Variants in HADHB observed in about 807,000 individuals in gnomAD.
The protein encoded by HADHB is hydroxyacyl-CoA dehydrogenase trifunctional multienzyme complex subunit beta.
A neutral mutation model predicts 61.9 loss-of-function variants in HADHB; 50 were observed. The ratio of observed to expected loss-of-function variants is 0.81; its 90% CI spans 0.64 to 1.02. The LOEUF (loss-of-function observed/expected upper bound fraction) is 1.02, where lower values mean the gene tolerates loss of function less well. HADHB is among the 50% of genes least tolerant of loss of function. The probability of loss-of-function intolerance (pLI) is 0.00; values close to 1 mark genes in which losing one functional copy is unlikely to be tolerated. For missense variants in HADHB, 504 were observed against 586.5 expected, an observed-to-expected ratio of 0.86 and a Z score of 1.45; for synonymous variants, 191 against 201.6, an observed-to-expected ratio of 0.95 and a Z score of 0.45.
chr2:26,290,015 A>C lies in HADHB; in HGVS notation c.*62A>C. 8 of 1,034,840 alleles carry C rather than the reference A, an allele frequency of 7.7e-6. No individual in the cohort carries two copies. Among genetic ancestry groups the C allele is most frequent in the Non-Finnish European group, 1.2e-5 (8 of 651,790 alleles). The allele number at this position is 1,034,840 out of a possible 1,614,324, so 64.1% of individuals were successfully genotyped here. A position where few individuals can be genotyped will look rare whatever the true frequency, so the allele number is the denominator to read the frequency against. On this transcript the variant is annotated 3_prime_UTR_variant, in exon 16 of 16. Transcript: ENST00000317799. ...CACTCACACTAGGCAATGCCATTTC[A>C]ATGCATTACTAAATGACATTTGTAG...
At chr2:26,288,542 C>T (rs1673135700) in intron 15 of HADHB, among the ~76,000 whole-genome samples, 1 of 151,978 alleles carries the variant, frequency 6.6e-6, no homozygotes, top group Non-Finnish European at 1.5e-5. Flanking sequence ...AACCCCATCT[C>T]TACTAAAAAT....
chr2:26,284,370 G>T (rs1672930087), intron 13 of HADHB, among the ~76,000 whole-genome samples, 166 bp downstream of exon 13: 1 of 152,018 alleles, frequency 6.6e-6, no homozygotes, highest in Admixed American at 6.5e-5. Context: ...GGGGAGGGAA[G>T]CAAGGGCCAC....
intron 4 of HADHB, among the ~76,000 whole-genome samples, chr2:26,264,206 A>G (rs1481560149): frequency 1.3e-5 from 2 of 152,154 alleles, no homozygotes; most frequent in African/African-American, 4.8e-5. Flanking sequence ...ACCTATCTTT[A>G]TATACTAATA....
intron 7 of HADHB, among the ~76,000 whole-genome samples, chr2:26,277,682 G>A (rs1672605758): frequency 6.6e-6 from 1 of 152,126 alleles, no homozygotes; most frequent in African/African-American, 2.4e-5. Flanking sequence ...ATTACCATTG[G>A]CGTGGTTCCT....
At position 26,263,465 on chromosome 2, in the gene HADHB, G is replaced by A. The variant is rs1306632577; in HGVS notation, c.195G>A (p.Leu65=). Residue 65 remains leucine (L), a synonymous_variant, in exon 4 of 16, where the codon TTG becomes TTA. Coordinates refer to ENST00000317799, the MANE Select transcript of HADHB (RefSeq NM_000183.3). ...TGGATGGTGTTCGCACTCCATTTTT[G>A]CTGTCTGGCACTTCGTAAGTATGAC... is the stretch of plus-strand genomic sequence containing the variant. ...VVVDGVRTPF[L]LSGTSYKDLM... The A allele has an allele frequency of 6.2e-7, 1 of 1,601,688 alleles. No homozygotes were observed. Among genetic ancestry groups the A allele is most frequent in the Non-Finnish European group, 8.6e-7 (1 of 1,168,796 alleles).
Position 26,265,597 on chromosome 2 carries a change from A to AAACAAC in HADHB, c.209+2139_209+2144dup, listed in dbSNP as rs58410284. Among the ~76,000 whole-genome samples, 302 of 151,718 alleles carry AAACAAC rather than the reference A, an allele frequency of 2.0e-3. 1 individual carries two copies. The highest frequency in any genetic ancestry group is 8.8e-3 in the South Asian group (42 of 4,780). The stretch of plus-strand genomic sequence containing the variant: ...GGTGACAGAGCAAAACTCCATCTCA[A>AAACAAC]AACAACAACAACAACAACAACAACA... On this transcript the variant is annotated intron_variant, in intron 4 of 15. Transcript: ENST00000317799.
chr2:26,276,993 A>G (rs1432662796), intron 6 of HADHB, 80 bp from the exon 7 acceptor site: 10 of 790,272 alleles, frequency 1.3e-5, no homozygotes, highest in Non-Finnish European at 1.9e-5. Flanking sequence ...CCAGATGACT[A>G]TGAAGATTAG....
intron 5 of HADHB, among the ~76,000 whole-genome samples, chr2:26,271,946 G>T (rs1231897316): frequency 6.6e-6 from 1 of 152,060 alleles, no homozygotes; most frequent in Non-Finnish European, 1.5e-5. Flanking sequence ...TTTCTGTATG[G>T]AGTCTCACTC....
chr2:26,275,708 C>T (rs1454211525), intron 6 of HADHB, among the ~76,000 whole-genome samples: 3 of 152,186 alleles, frequency 2.0e-5, no homozygotes, highest in Non-Finnish European at 4.4e-5. Flanking sequence ...CTCAACAAAG[C>T]AGGTTGGGCA....
chr2:26,263,352 G>T, intron 3 of HADHB, 28 bp from the exon 4 acceptor site: 2 of 1,316,206 alleles, frequency 1.5e-6, no homozygotes, highest in Non-Finnish European at 2.2e-6. Context: ...TTAATTAGTA[G>T]TTTTTGTTTT....
At chr2:26,262,912 G>C (rs1574650096) in intron 3 of HADHB, among the ~76,000 whole-genome samples, 1 of 151,806 alleles carries the variant, frequency 6.6e-6, no homozygotes, top group African/African-American at 2.4e-5. Flanking sequence ...CAATTTCTTA[G>C]CCTTTTTTTA....
intron 4 of HADHB, among the ~76,000 whole-genome samples, chr2:26,266,887 A>G (rs1021746319): frequency 5.3e-5 from 8 of 149,964 alleles, no homozygotes; most frequent in African/African-American, 1.7e-4. Flanking sequence ...AAAAAAAAAA[A>G]AAAAAAAGGA....
chr2:26,251,786 G>A (rs1432991877), intron 1 of HADHB, among the ~76,000 whole-genome samples: 2 of 152,106 alleles, frequency 1.3e-5, no homozygotes, highest in East Asian at 1.9e-4. Context: ...GAAGCTATAG[G>A]ACCTCCTTCT....
chr2:26,269,778 C>CAA (rs1672262784), intron 4 of HADHB, among the ~76,000 whole-genome samples, 175 bp from the exon 5 acceptor site: 1 of 152,158 alleles, frequency 6.6e-6, no homozygotes, highest in African/African-American at 2.4e-5. Flanking sequence ...TTAAGGATGA[C>CAA]AAATAGCGAA....
intron 3 of HADHB, among the ~76,000 whole-genome samples, chr2:26,257,595 A>G (rs1671681643): frequency 6.6e-6 from 1 of 152,002 alleles, no homozygotes; most frequent in South Asian, 2.1e-4. Flanking sequence ...AAGGTAGGTG[A>G]TGGTTCCTCT....
intron 5 of HADHB, among the ~76,000 whole-genome samples, chr2:26,273,260 T>A (rs573144800): frequency 1.6e-4 from 24 of 152,194 alleles, no homozygotes; most frequent in Non-Finnish European, 2.5e-4. Flanking sequence ...TTCTTTTTTT[T>A]TAATTTTTTT....
chr2:26,246,008 A>T (rs1671139841), intron 1 of HADHB, among the ~76,000 whole-genome samples: 1 of 152,228 alleles, frequency 6.6e-6, no homozygotes, highest in African/African-American at 2.4e-5. Flanking sequence ...TGAAATGAGT[A>T]TAGAGACAGA....
rs528080532 is a variant in HADHB at position 26,244,974 on chromosome 2, C to G, written c.-25C>G. The G allele has an allele frequency of 7.3e-6, 2 of 274,660 alleles. No individual in the cohort carries two copies. Among genetic ancestry groups the G allele is most frequent in the Non-Finnish European group, 1.5e-5 (2 of 136,214 alleles). 17.0% of individuals were successfully genotyped at this position (274,660 alleles called of 1,614,324 possible). On this transcript the variant is annotated 5_prime_UTR_variant, in exon 1 of 16. Coordinates refer to ENST00000317799, the MANE Select transcript of HADHB (RefSeq NM_000183.3). ...GAACCTTGCTCCGAGAGGGAGTCCT[C>G]GCGGACGTCAGCCAAGGTGAGACGG...
chr2:26,273,168 A>G (rs2147819560), intron 5 of HADHB, among the ~76,000 whole-genome samples: 1 of 152,096 alleles, frequency 6.6e-6, no homozygotes, highest in Non-Finnish European at 1.5e-5. Flanking sequence ...GTTTCTATTC[A>G]TGGGCACAAC....
Sources: allele counts gnomAD v4.1 joint callset (sites outside exome capture counted in the v4.1 genomes callset), GRCh38; gene constraint gnomAD v4.1.1; transcripts MANE v1.5; gene names NCBI Gene and HGNC (gene_info 2026-07-23, HGNC 2026-07-21).